NRG3: variants seen among roughly 807,000 people sequenced by gnomAD.
The protein encoded by NRG3 is pro-neuregulin-3, membrane-bound isoform.
A neutral mutation model predicts 66.9 loss-of-function variants in NRG3; 31 were observed. The ratio of observed to expected loss-of-function variants is 0.46; its 90% CI spans 0.35 to 0.63. The LOEUF is 0.63. Among genes scored for constraint, NRG3 ranks in the 20% least tolerant of loss-of-function variants. The probability of loss-of-function intolerance (pLI) is 0.00; values close to 1 mark genes in which losing one functional copy is unlikely to be tolerated. For synonymous variants in NRG3, 393 were observed against 359.4 expected, an observed-to-expected ratio of 1.09 and a Z score of -1.06; for missense variants, 910 against 878.9, an observed-to-expected ratio of 1.04 and a Z score of -0.45.
chr10:82,131,441 T>G (rs188023224), intron 1 of NRG3, among the ~76,000 whole-genome samples: 181 of 152,264 alleles, frequency 1.2e-3, no homozygotes, highest in Non-Finnish European at 2.0e-3. Context: ...TTACAATAGC[T>G]CTGTAATATA....
intron 1 of NRG3, among the ~76,000 whole-genome samples, chr10:82,042,681 A>G (rs577465558): frequency 2.4e-4 from 36 of 152,190 alleles, no homozygotes; most frequent in African/African-American, 8.4e-4. Context: ...CTTCATTAGC[A>G]TCAGTAATGT....
intron 2 of NRG3, among the ~76,000 whole-genome samples, chr10:82,373,545 G>A (rs1438754863): frequency 6.6e-6 from 1 of 152,204 alleles, no homozygotes; most frequent in Non-Finnish European, 1.5e-5. Context: ...TTGAGGCTCA[G>A]GCTAGTGTAT....
chr10:82,440,383 C>A (rs1421882396), intron 2 of NRG3, among the ~76,000 whole-genome samples: 1 of 130,418 alleles, frequency 7.7e-6, no homozygotes, highest in South Asian at 2.3e-4. Context: ...TTTTGAACAG[C>A]CTTCTTTTAG....
At chr10:82,659,181 T>C (rs192909815) in intron 2 of NRG3, among the ~76,000 whole-genome samples, 78 of 152,368 alleles carry the variant, frequency 5.1e-4, no homozygotes, top group African/African-American at 1.9e-3. Context: ...GGTTATATTT[T>C]AGAATTATCC....
chr10:82,361,965 A>G (rs2084167666), intron 2 of NRG3, among the ~76,000 whole-genome samples: 2 of 150,614 alleles, frequency 1.3e-5, no homozygotes, highest in Admixed American at 6.7e-5. Flanking sequence ...TGCATCAAAT[A>G]TTTTTCTGTG....
chr10:82,955,234 G>T (rs949664504), intron 5 of NRG3: 1 of 151,942 alleles, frequency 6.6e-6, no homozygotes, highest in Non-Finnish European at 1.5e-5. Flanking sequence ...AAGATGGAAG[G>T]TAGGTAACAT....
rs1416580008 is a variant in NRG3, at chr10:82,232,904, T to G, written c.824-125835T>G. ...ATGAACAGTTTAGGACTACTTTGAA[T>G]AATTTCTCCAGAATTTGGGAAACAG... On this transcript the variant is annotated intron_variant, in intron 1 of 8. Transcript: ENST00000372141. 5.7e-6 allele frequency: 4 copies of G among 702,702 alleles called. No homozygotes were observed. In the Admixed American group the frequency reaches 8.3e-5, roughly 15 times the overall value. 43.5% of individuals were successfully genotyped at this position (702,702 alleles called of 1,614,324 possible).
chr10:81,906,793 CA>C (rs978683599), intron 1 of NRG3, among the ~76,000 whole-genome samples: 1 of 152,048 alleles, frequency 6.6e-6, no homozygotes, highest in Non-Finnish European at 1.5e-5. Context: ...AAAGTTATCA[CA>C]GTGGTCTTGG....
At chr10:82,669,281 A>C (rs1338115726) in intron 2 of NRG3, among the ~76,000 whole-genome samples, 1 of 149,510 alleles carries the variant, frequency 6.7e-6, no homozygotes, top group Non-Finnish European at 1.5e-5. Flanking sequence ...AATAATAATA[A>C]TAATAATCAG....
intron 3 of NRG3, among the ~76,000 whole-genome samples, chr10:82,741,488 C>A (rs1466789097): frequency 2.0e-5 from 3 of 152,172 alleles, no homozygotes; most frequent in Non-Finnish European, 4.4e-5. Context: ...CAGATAATGT[C>A]AGCCCACTTC....
chr10:81,986,060 C>T (rs1189993992), intron 1 of NRG3, among the ~76,000 whole-genome samples: 1 of 151,958 alleles, frequency 6.6e-6, no homozygotes, highest in Non-Finnish European at 1.5e-5. Context: ...ATTTTTTGGC[C>T]TGGGAGAATC....
At chr10:82,638,214 G>T (rs370619651) in intron 2 of NRG3, among the ~76,000 whole-genome samples, 1 of 152,174 alleles carries the variant, frequency 6.6e-6, no homozygotes, top group African/African-American at 2.4e-5. Flanking sequence ...TACAGAGCCT[G>T]CTGGTAGGTT....
At chr10:82,673,186 T>C (rs557468447) in intron 2 of NRG3, among the ~76,000 whole-genome samples, 1 of 152,218 alleles carries the variant, frequency 6.6e-6, no homozygotes, top group Non-Finnish European at 1.5e-5. Context: ...TGGCATCTTG[T>C]CCAGGGCTGG....
intron 1 of NRG3, among the ~76,000 whole-genome samples, chr10:82,003,146 A>G (rs1185039360): frequency 6.6e-6 from 1 of 152,094 alleles, no homozygotes; most frequent in Non-Finnish European, 1.5e-5. Context: ...GGGAGGGGAA[A>G]AGAGAGGGGA....
rs1177787009 is a variant in NRG3 at position 82,440,628 on chromosome 10, G to C, written c.953+81760G>C. ...ACTTTGTGGAACTCTTGTGGAGATG[G>C]TAACTTTTTCCTGAATGCTTGAATC... On this transcript the variant is annotated intron_variant, in intron 2 of 8. Coordinates refer to ENST00000372141, the MANE Select transcript of NRG3 (RefSeq NM_001010848.4). Among the ~76,000 whole-genome samples, 3 of 151,822 alleles carry C rather than the reference G, an allele frequency of 2.0e-5. No homozygotes were observed. The East Asian group carries it at 5.8e-4, about 29-fold the overall frequency.
intron 2 of NRG3, among the ~76,000 whole-genome samples, chr10:82,520,695 C>T (rs374649283): frequency 6.6e-6 from 1 of 152,238 alleles, no homozygotes; most frequent in East Asian, 1.9e-4. Context: ...AACTGACTGT[C>T]GAACATTATT....
chr10:82,094,894 G>C (rs772681887), intron 1 of NRG3, among the ~76,000 whole-genome samples: 1 of 152,162 alleles, frequency 6.6e-6, no homozygotes, highest in Non-Finnish European at 1.5e-5. Flanking sequence ...AGAAGGGTGA[G>C]AGGGAGTTGA....
At chr10:82,667,747 A>G (rs2052917339) in intron 2 of NRG3, among the ~76,000 whole-genome samples, 1 of 152,184 alleles carries the variant, frequency 6.6e-6, no homozygotes. Flanking sequence ...TTGGGAAGCC[A>G]GAATTCAGGA....
At chr10:82,076,329 C>T (rs1590017191) in intron 1 of NRG3, among the ~76,000 whole-genome samples, 1 of 152,140 alleles carries the variant, frequency 6.6e-6, no homozygotes, top group African/African-American at 2.4e-5. Flanking sequence ...CTCAGTCGTC[C>T]AGCTCTGATT....
Sources: allele counts gnomAD v4.1 joint callset (sites outside exome capture counted in the v4.1 genomes callset), GRCh38; gene constraint gnomAD v4.1.1; transcripts MANE v1.5; gene names NCBI Gene and HGNC (gene_info 2026-07-23, HGNC 2026-07-21).